ATXN10: variants seen among roughly 807,000 people sequenced by gnomAD.
ATXN10 encodes ataxin 10.
A neutral mutation model predicts 52.9 loss-of-function variants in ATXN10; 28 were observed. The ratio of observed to expected loss-of-function variants is 0.53; its 90% CI spans 0.39 to 0.73. ATXN10 has a LOEUF of 0.73. ATXN10 is among the 30% of genes least tolerant of loss of function. The pLI is 0.00. For synonymous variants in ATXN10, 226 were observed against 221.5 expected (o/e 1.02, Z -0.18); for missense variants, 565 against 577.0 (o/e 0.98, Z 0.21).
intron 10 of ATXN10, among the ~76,000 whole-genome samples, chr22:45,814,668 C>A (rs982395035): frequency 2.0e-5 from 3 of 152,232 alleles, no homozygotes; most frequent in Non-Finnish European, 4.4e-5. Context: ...GAGTCCTCAT[C>A]CCCTCAGCCG....
chr22:45,751,843 G>GT (rs138181), intron 9 of ATXN10, among the ~76,000 whole-genome samples: 72 of 132,652 alleles, frequency 5.4e-4, no homozygotes, highest in Non-Finnish European at 8.8e-4. Flanking sequence ...AGCATATTTA[G>GT]TTTTTTTTTT....
rs367821541 is a variant in ATXN10, at chr22:45,709,091, A to G, written c.647+6244A>G. On this transcript the variant is annotated intron_variant, in intron 5 of 11. Coordinates refer to ENST00000252934, the MANE Select transcript of ATXN10 (RefSeq NM_013236.4). ...GATGTGTCTTGCCTTATGCATGTAC[A>G]TTTTATTATCAGCTTAAGTGTAACA... 1.4e-4 allele frequency among the ~76,000 whole-genome samples: 22 copies of G among 152,254 alleles called. No homozygotes were observed. The East Asian group carries it at 1.5e-3, about 11-fold the overall frequency.
intron 10 of ATXN10, among the ~76,000 whole-genome samples, chr22:45,808,656 C>CT (rs540116715): frequency 1.4e-3 from 219 of 152,298 alleles, no homozygotes; most frequent in African/African-American, 5.1e-3. Flanking sequence ...TGAAATAAAA[C>CT]TGAGTCTCTA....
Position 45,672,048 on chromosome 22 carries a change from A to T in ATXN10, c.-16A>T. On this transcript the variant is annotated 5_prime_UTR_variant, in exon 1 of 12. Transcript: ENST00000252934. ...TCCTCCTCCTCGTCAGGCTCGACCC[A>T]GCTGTGAGCGGCAAGATGGCGGCGC... 6.5e-7 allele frequency: 1 copy of T among 1,534,586 alleles called. No homozygotes were observed. The highest frequency in any genetic ancestry group is 1.2e-5 in the South Asian group (1 of 83,686).
chr22:45,713,894 T>C (rs1924346640), intron 5 of ATXN10, among the ~76,000 whole-genome samples: 1 of 152,218 alleles, frequency 6.6e-6, no homozygotes, highest in Non-Finnish European at 1.5e-5. Context: ...GTCTCTTCTC[T>C]ATGGGCATTC....
intron 9 of ATXN10, among the ~76,000 whole-genome samples, chr22:45,782,499 G>A (rs5765619): frequency 0.19 from 29,064 of 152,114 alleles, 3,606 homozygotes; most frequent in East Asian, 0.49. Flanking sequence ...CTTCTGGGAG[G>A]TGCAGCAGCT....
chr22:45,806,931 T>G, intron 9 of ATXN10, 28 bp from the exon 10 acceptor site: 6 of 1,568,922 alleles, frequency 3.8e-6, no homozygotes, highest in Non-Finnish European at 5.3e-6. Context: ...CTGTTTTCAG[T>G]GTATAAACTT....
At chr22:45,686,287 C>G (rs535316175) in intron 1 of ATXN10, among the ~76,000 whole-genome samples, 1 of 152,178 alleles carries the variant, frequency 6.6e-6, no homozygotes, top group African/African-American at 2.4e-5. Context: ...CTGTTTAAAA[C>G]TTGAACAAAT....
Position 45,727,471 on chromosome 22 carries a change from G to T in ATXN10, c.729-1954G>T, listed in dbSNP as rs995142358. On this transcript the variant is annotated intron_variant, in intron 6 of 11. Coordinates refer to ENST00000252934, the MANE Select transcript of ATXN10 (RefSeq NM_013236.4). The surrounding 1 kb of genome is among the most constrained non-coding windows in gnomAD (Gnocchi z 4.6). ...CCTCCTGGGTTCAAGTGATTCTTCC[G>T]CCTCAGCCTCCTGAGTAGCTGGATT... Among the ~76,000 whole-genome samples the T allele has an allele frequency of 2.0e-5, 3 of 151,936 alleles. No homozygotes were observed. The highest frequency in any genetic ancestry group is 7.3e-5 in the African/African-American group (3 of 41,338).
Position 45,826,558 on chromosome 22 carries a change from T to G in ATXN10, c.1238-16433T>G, listed in dbSNP as rs1928820667. On this transcript the variant is annotated intron_variant, in intron 10 of 11. Coordinates refer to ENST00000252934, the MANE Select transcript of ATXN10 (RefSeq NM_013236.4). This position sits in a 1 kb window ranked among gnomAD's most constrained non-coding sequence, Gnocchi z 5.0. ...AGCAAGGAAGAAGCAGCCCATCACA[T>G]GCAAGAGATAATCCATAGGATTACC... Among the ~76,000 whole-genome samples the G allele has an allele frequency of 6.6e-6, 1 of 152,206 alleles. No individual in the cohort carries two copies. The highest frequency in any genetic ancestry group is 2.4e-5 in the African/African-American group (1 of 41,456).
chr22:45,841,343 A>G lies in ATXN10; in HGVS notation c.1238-1648A>G, dbSNP rs1269338957. On this transcript the variant is annotated intron_variant, in intron 10 of 11. Coordinates refer to ENST00000252934, the MANE Select transcript of ATXN10 (RefSeq NM_013236.4). The surrounding 1 kb of genome is among the most constrained non-coding windows in gnomAD (Gnocchi z 5.1). ...CTCTGCCATCTGGAAAAGGTCAGTC[A>G]TTTATACCCACCAGTGGTTTTGATG... Among the ~76,000 whole-genome samples the G allele has an allele frequency of 6.6e-6, 1 of 152,246 alleles. No homozygotes were observed. The highest frequency in any genetic ancestry group is 2.4e-5 in the African/African-American group (1 of 41,472).
At position 45,825,305 on chromosome 22, in the gene ATXN10, C is replaced by G. The variant is rs528419007; in HGVS notation, c.1238-17686C>G. ...TTTCTGGGTATTTAAAAGGCCAGCA[C>G]CCTTTTTCCCTCTTCCCTTTATTTT... is the stretch of plus-strand genomic sequence containing the variant. On this transcript the variant is annotated intron_variant, in intron 10 of 11. Transcript: ENST00000252934. The surrounding 1 kb of genome is among the most constrained non-coding windows in gnomAD (Gnocchi z 4.5). 6.6e-6 allele frequency among the ~76,000 whole-genome samples: 1 copy of G among 152,274 alleles called. No homozygotes were observed. Among genetic ancestry groups the G allele is most frequent in the East Asian group, 1.9e-4 (1 of 5,190 alleles).
chr22:45,800,072 G>T (rs1415598739), intron 9 of ATXN10, among the ~76,000 whole-genome samples: 1 of 152,060 alleles, frequency 6.6e-6, no homozygotes, highest in African/African-American at 2.4e-5. Flanking sequence ...ATTGAAGTAG[G>T]CCAGGACTTT....
rs566956989 is a variant in ATXN10, at chr22:45,759,561, G to C, written c.1173+19023G>C. Among the ~76,000 whole-genome samples the C allele has an allele frequency of 2.6e-5, 4 of 152,212 alleles. No individual in the cohort carries two copies. In the South Asian group the frequency reaches 8.3e-4, roughly 32 times the overall value. Reference sequence around the variant, plus strand: ...GCAGTCTGATCAGGGTGAGGGTTCCGTACTCTTCTTGTGCCATGAAGCAGG... The same window carrying C: ...GCAGTCTGATCAGGGTGAGGGTTCCCTACTCTTCTTGTGCCATGAAGCAGG... On this transcript the variant is annotated intron_variant, in intron 9 of 11. Transcript: ENST00000252934. The surrounding 1 kb of genome is among the most constrained non-coding windows in gnomAD (Gnocchi z 5.4).
chr22:45,689,749 G>T lies in ATXN10; in HGVS notation c.154G>T (p.Asp52Tyr), dbSNP rs1288692005. 5 of 1,613,966 alleles carry T rather than the reference G, an allele frequency of 3.1e-6. No homozygotes were observed. In the African/African-American group the frequency reaches 6.7e-5, roughly 22 times the overall value. ...CAGGACTATCTTCCAAAGAGTTCTG[G>T]ATATCCTAAAGAAATCTTCTCATGC... Reference protein sequence around the residue: ...APRTIFQRVLDILKKSSHAVE... With the variant: ...APRTIFQRVLYILKKSSHAVE... The change falls in exon 2 of 12, where the codon GAT (aspartate) becomes TAT (tyrosine). Residue 52 changes from aspartate (D) to tyrosine (Y), a missense_variant. Asp to Tyr is a radical substitution (Grantham distance 160, BLOSUM62 -3). Transcript: ENST00000252934.
chr22:45,675,070 A>C (rs957465806), intron 1 of ATXN10: 2 of 152,260 alleles, frequency 1.3e-5, no homozygotes, highest in Non-Finnish European at 2.9e-5. Context: ...TTATATGTGT[A>C]GCATAGTGGT....
chr22:45,752,056 A>G (rs1158574823), intron 9 of ATXN10, among the ~76,000 whole-genome samples: 2 of 152,148 alleles, frequency 1.3e-5, no homozygotes, highest in African/African-American at 2.4e-5. Flanking sequence ...TTAGTTTCAG[A>G]CTGTGGATTT....
At position 45,685,249 on chromosome 22, in the gene ATXN10, C is replaced by T. The variant is rs187514198; in HGVS notation, c.117-4463C>T. Among the ~76,000 whole-genome samples the T allele has an allele frequency of 4.0e-3, 616 of 152,284 alleles. 1 individual carries two copies. The highest frequency in any genetic ancestry group is 6.3e-3 in the Non-Finnish European group (428 of 68,030). ...CAGAACTTGCCAAGATTAAACCCTA[C>T]AGATCTGTTCAAACTTGAGGGAAAT... On this transcript the variant is annotated intron_variant, in intron 1 of 11. Coordinates refer to ENST00000252934, the MANE Select transcript of ATXN10 (RefSeq NM_013236.4).
rs752462872 is a variant in ATXN10, at chr22:45,806,963, A to T, written c.1178A>T (p.Asn393Ile). 6.2e-7 allele frequency: 1 copy of T among 1,613,398 alleles called. No homozygotes were observed. Reference protein sequence around the residue: ...YKNKDNQDKVNELDGIPLILD... With the variant: ...YKNKDNQDKVIELDGIPLILD... ...ACTTATCTTCTTTCTCTCTAGGTAA[A>T]TGAGCTGGATGGTATCCCGTTGATC... Residue 393 changes from asparagine (N) to isoleucine (I), a missense_variant, in exon 10 of 12, where the codon AAT becomes ATT. Coordinates refer to ENST00000252934, the MANE Select transcript of ATXN10 (RefSeq NM_013236.4).
Sources: allele counts gnomAD v4.1 joint callset (sites outside exome capture counted in the v4.1 genomes callset), GRCh38; gene constraint gnomAD v4.1.1; non-coding constraint Gnocchi (gnomAD v3.1); transcripts MANE v1.5; gene names NCBI Gene and HGNC (gene_info 2026-07-23, HGNC 2026-07-21).